Variants in CIB3 observed in about 807,000 individuals in gnomAD.
CIB3 encodes calcium and integrin binding family member 3, also known as calcium and integrin-binding family member 3.
A neutral mutation model predicts 23.4 loss-of-function variants in CIB3; 22 were observed. The observed-to-expected ratio is 0.94, with a 90% CI of 0.67 to 1.34. The LOEUF is 1.34. Among genes scored for constraint, CIB3 ranks in the 40% most tolerant of loss-of-function variants. CIB3 has a pLI of 0.00. For synonymous variants in CIB3, 93 were observed against 95.8 expected (o/e 0.97, Z 0.17); for missense variants, 258 against 247.3 (o/e 1.04, Z -0.29).
intron 3 of CIB3, 128 bp downstream of exon 3, chr19:16,169,502 C>T: frequency 2.4e-6 from 2 of 846,500 alleles, no homozygotes; most frequent in South Asian, 3.0e-5. Flanking sequence ...GAACAAGTGT[C>T]TTAACCTCTC....
chr19:16,161,564 C>T lies in CIB3; in HGVS notation c.543-78G>A, dbSNP rs796534595. On this transcript the variant is annotated intron_variant, in intron 5 of 5. Coordinates refer to ENST00000269878, the MANE Select transcript of CIB3 (RefSeq NM_054113.4). ...TTCCTCCTCCCCCTCAACACGCTCA[C>T]GGCAAGTCCCTGGGACAGGCAGGAA... 33 of 1,503,940 alleles carry T rather than the reference C, an allele frequency of 2.2e-5. No homozygotes were observed. In the African/African-American group the frequency reaches 2.9e-4, roughly 13 times the overall value. 93.2% of individuals were successfully genotyped at this position (1,503,940 alleles called of 1,614,324 possible). A position where few individuals can be genotyped will look rare whatever the true frequency, so the allele number is the denominator to read the frequency against.
intron 5 of CIB3, among the ~76,000 whole-genome samples, chr19:16,163,916 G>C (rs912043904): frequency 6.6e-6 from 1 of 152,054 alleles, no homozygotes; most frequent in Non-Finnish European, 1.5e-5. Context: ...AGTGAATTTC[G>C]TATCACTGTC....
rs761078954 is a variant in CIB3, at chr19:16,164,758, C to T, written c.502G>A (p.Asp168Asn). Residue 168 changes from aspartate to asparagine, a missense_variant, in exon 5 of 6, where the codon GAT (aspartate) becomes AAT (asparagine). Asp to Asn is a conservative substitution (Grantham distance 23). Coordinates refer to ENST00000269878, the MANE Select transcript of CIB3 (RefSeq NM_054113.4). ...GCCCGGAGGATCATGTTCTGGAAAT[C>T]TTCCAGGGACAGCCGCCCATCATGG... ...GDHDGRLSLE[D>N]FQNMILRAPD... 12 of 1,614,062 alleles carry T rather than the reference C, an allele frequency of 7.4e-6. No individual in the cohort carries two copies. Among genetic ancestry groups the T allele is most frequent in the Non-Finnish European group, 9.3e-6 (11 of 1,180,000 alleles).
chr19:16,168,349 TCTCA>T (rs1372197666), intron 3 of CIB3, 65 bp from the exon 4 acceptor site: 3 of 1,588,458 alleles, frequency 1.9e-6, no homozygotes, highest in Middle Eastern at 1.9e-4. Context: ...GTCCATGTGG[TCTCA>T]CTATCAGCAC....
chr19:16,166,420 GT>G, intron 4 of CIB3, among the ~76,000 whole-genome samples: 1 of 151,846 alleles, frequency 6.6e-6, no homozygotes, highest in Non-Finnish European at 1.5e-5. Flanking sequence ...CATGATATCT[GT>G]TTTTCATTTA....
chr19:16,168,719 G>C (rs1599436540), intron 3 of CIB3, among the ~76,000 whole-genome samples: 1 of 152,258 alleles, frequency 6.6e-6, no homozygotes, highest in South Asian at 2.1e-4. Flanking sequence ...CAAGAGGTGA[G>C]GCTGCCTTAG....
At chr19:16,167,330 A>G (rs2091310046) in intron 4 of CIB3, among the ~76,000 whole-genome samples, 1 of 152,228 alleles carries the variant, frequency 6.6e-6, no homozygotes, top group Non-Finnish European at 1.5e-5. Flanking sequence ...ACAAATATTT[A>G]CTGAGCCAGG....
chr19:16,167,969 TAG>T (rs1224469240), intron 4 of CIB3, among the ~76,000 whole-genome samples, 166 bp downstream of exon 4: 9 of 152,068 alleles, frequency 5.9e-5, no homozygotes, highest in African/African-American at 2.2e-4. Flanking sequence ...GTGGCTGGAA[TAG>T]AGTTAGCAAA....
chr19:16,170,088 C>T (rs1457930461), intron 2 of CIB3, among the ~76,000 whole-genome samples: 1 of 152,148 alleles, frequency 6.6e-6, no homozygotes, highest in South Asian at 2.1e-4. Context: ...CGTGAGCCAC[C>T]GCACCTGGCC....
At chr19:16,172,077 A>G (rs4808464) in intron 2 of CIB3, among the ~76,000 whole-genome samples, 101,780 of 152,214 alleles carry the variant, frequency 0.67, 35,230 homozygotes, top group East Asian at 0.95. Context: ...CTTAATGCCA[A>G]GCCCACAACC....
In CIB3 at chr19:16,173,413, GC is replaced by G; in HGVS notation, c.51+11del. The G allele has an allele frequency of 6.2e-7, 1 of 1,612,252 alleles. No individual in the cohort carries two copies. The highest frequency in any genetic ancestry group is 8.5e-7 in the Non-Finnish European group (1 of 1,178,370). ...GTCAAACCCACTGAGGACCCATCCT[GC>G]CCCCCTCTACCTGATACGCTTCCAG... On this transcript the variant is annotated intron_variant, in intron 1 of 5. Transcript: ENST00000269878.
rs1160234742 is a variant in CIB3 at position 16,168,254 on chromosome 19, C to T, written c.229G>A (p.Val77Ile). Residue 77 changes from valine to isoleucine, a missense_variant, in exon 4 of 6, where the codon GTA (valine) becomes ATA (isoleucine). Transcript: ENST00000269878. ...DNPFRQRIAQ[V>I]FSEDGDGHMT... ...TGGCCATCCCCATCCTCAGAGAATA[C>T]CTGGGCAATCCTCTGGCGGAAGGGG... is the stretch of plus-strand genomic sequence containing the variant. The T allele has an allele frequency of 1.9e-6, 3 of 1,613,878 alleles. No homozygotes were observed. Among genetic ancestry groups the T allele is most frequent in the East Asian group, 2.2e-5 (1 of 44,880 alleles).
rs764508458 is a variant in CIB3 at position 16,173,169 on chromosome 19, TCTC to T, written c.76_78del (p.Glu26del). 6.2e-7 allele frequency: 1 copy of T among 1,613,792 alleles called. No individual in the cohort carries two copies. The highest frequency in any genetic ancestry group is 2.2e-5 in the East Asian group (1 of 44,858). On this transcript the variant is annotated inframe_deletion, in exon 2 of 6. Transcript: ENST00000269878. ...CTTCCTCCCTGGACTGACCTCATGA[TCTC>T]CTTCCTTGTGAAAAATGTGCAGTCC...
intron 4 of CIB3, among the ~76,000 whole-genome samples, chr19:16,167,569 C>T (rs1004341639): frequency 2.6e-5 from 4 of 151,754 alleles, no homozygotes; most frequent in African/African-American, 7.3e-5. Context: ...CGGTGGCTCA[C>T]GTCTGTAATC....
intron 4 of CIB3, among the ~76,000 whole-genome samples, chr19:16,166,708 A>ATTCG (rs1412234417): frequency 6.6e-6 from 1 of 152,208 alleles, no homozygotes; most frequent in East Asian, 1.9e-4. Flanking sequence ...TCATTCATTC[A>ATTCG]TTCATGCAAC....
At chr19:16,173,319 A>G in intron 1 of CIB3, 106 bp downstream of exon 1, 1 of 1,567,120 alleles carries the variant, frequency 6.4e-7, no homozygotes, top group Non-Finnish European at 8.8e-7. Flanking sequence ...CAGAACCAGG[A>G]ACCCAGGCGG....
intron 4 of CIB3, among the ~76,000 whole-genome samples, chr19:16,167,208 A>C (rs1212350153): frequency 6.6e-6 from 1 of 151,200 alleles, no homozygotes; most frequent in Non-Finnish European, 1.5e-5. Flanking sequence ...GGGACAGAGC[A>C]AGACTTTGTC....
chr19:16,167,991 TG>T, intron 4 of CIB3, 145 bp downstream of exon 4: 1 of 986,728 alleles, frequency 1.0e-6, no homozygotes, highest in Non-Finnish European at 1.5e-6. Flanking sequence ...ATAAATGAGG[TG>T]GGGAGGCATT....
intron 4 of CIB3, among the ~76,000 whole-genome samples, chr19:16,166,565 T>TATTC (rs1352679408): frequency 3.9e-5 from 6 of 152,216 alleles, no homozygotes; most frequent in African/African-American, 1.4e-4. Flanking sequence ...CTTTTTCATT[T>TATTC]ATTCATTCAT....
Sources: allele counts gnomAD v4.1 joint callset (sites outside exome capture counted in the v4.1 genomes callset), GRCh38; gene constraint gnomAD v4.1.1; transcripts MANE v1.5; gene names NCBI Gene and HGNC (gene_info 2026-07-23, HGNC 2026-07-21).